ST6GALNAC3: variants seen among roughly 807,000 people sequenced by gnomAD.
The protein encoded by ST6GALNAC3 is alpha-N-acetylgalactosaminide alpha-2,6-sialyltransferase 3.
ST6GALNAC3 carries 25 observed loss-of-function variants against 32.7 expected under a neutral mutation model. The observed-to-expected ratio is 0.76, with a 90% CI of 0.56 to 1.07. The LOEUF (loss-of-function observed/expected upper bound fraction) is 1.07, where lower values mean the gene tolerates loss of function less well. Among genes scored for constraint, ST6GALNAC3 ranks in the 50% least tolerant of loss-of-function variants. The pLI, the probability that ST6GALNAC3 is intolerant of heterozygous loss-of-function variation, is 0.00. For synonymous variants in ST6GALNAC3, 129 were observed against 133.1 expected, an observed-to-expected ratio of 0.97 and a Z score of 0.21; for missense variants, 355 against 382.4, an observed-to-expected ratio of 0.93 and a Z score of 0.60.
chr1:76,525,108 A>G (rs866132644), intron 3 of ST6GALNAC3, among the ~76,000 whole-genome samples: 65 of 152,222 alleles, frequency 4.3e-4, no homozygotes, highest in African/African-American at 1.5e-3. Flanking sequence ...AAAGAAAATG[A>G]GTAACAATAT....
At chr1:76,404,685 C>G (rs909233000) in intron 2 of ST6GALNAC3, among the ~76,000 whole-genome samples, 1 of 152,018 alleles carries the variant, frequency 6.6e-6, no homozygotes, top group Non-Finnish European at 1.5e-5. Context: ...GTCTCTGGAG[C>G]TTTGTTCAAC....
intron 1 of ST6GALNAC3, among the ~76,000 whole-genome samples, chr1:76,300,566 GC>G: frequency 6.6e-6 from 1 of 151,952 alleles, no homozygotes; most frequent in Non-Finnish European, 1.5e-5. Flanking sequence ...TCCTTAAGCT[GC>G]TGCCTAAGGA....
At chr1:76,624,865 T>C (rs1216964716) in intron 3 of ST6GALNAC3, among the ~76,000 whole-genome samples, 2 of 151,938 alleles carry the variant, frequency 1.3e-5, no homozygotes, top group African/African-American at 4.8e-5. Flanking sequence ...TTTAGTGTCA[T>C]GCCCATCACA....
chr1:76,558,825 T>A (rs4949635), intron 3 of ST6GALNAC3, among the ~76,000 whole-genome samples: 2 of 152,198 alleles, frequency 1.3e-5, no homozygotes, highest in Non-Finnish European at 2.9e-5. Flanking sequence ...ATTTGATATT[T>A]TACTATAGTT....
At chr1:76,394,348 T>G (rs1185745374) in intron 2 of ST6GALNAC3, among the ~76,000 whole-genome samples, 1 of 152,198 alleles carries the variant, frequency 6.6e-6, no homozygotes, top group Non-Finnish European at 1.5e-5. Flanking sequence ...GATGAAATGT[T>G]GAAGATTGTA....
At chr1:76,455,867 A>T (rs776937954) in intron 3 of ST6GALNAC3, among the ~76,000 whole-genome samples, 13 of 152,150 alleles carry the variant, frequency 8.5e-5, no homozygotes, top group Non-Finnish European at 1.6e-4. Context: ...TGTCCACCTT[A>T]GGAATTGAAA....
At position 76,081,125 on chromosome 1, in the gene ST6GALNAC3, G is replaced by A. The variant is rs138383260; in HGVS notation, c.18+6241G>A. The stretch of plus-strand genomic sequence containing the variant: ...TTCAGAAAACCTAAGTAAATTGTCC[G>A]ATGTCCTGTGGTCAGTAAGTGATGG... On this transcript the variant is annotated intron_variant, in intron 1 of 4. Transcript: ENST00000328299. Among the ~76,000 whole-genome samples, 14 of 152,214 alleles carry A rather than the reference G, an allele frequency of 9.2e-5. No individual in the cohort carries two copies. The East Asian group carries it at 2.1e-3, about 23-fold the overall frequency.
chr1:76,540,594 C>T (rs2100282667), intron 3 of ST6GALNAC3, among the ~76,000 whole-genome samples: 1 of 152,220 alleles, frequency 6.6e-6, no homozygotes, highest in South Asian at 2.1e-4. Flanking sequence ...TAATGTTATT[C>T]TGTGTTGTGG....
intron 3 of ST6GALNAC3, among the ~76,000 whole-genome samples, chr1:76,441,234 C>T (rs1407781902): frequency 3.3e-5 from 5 of 151,982 alleles, no homozygotes; most frequent in Admixed American, 2.0e-4. Context: ...ATATCATTTA[C>T]TGGGCCCTTA....
intron 3 of ST6GALNAC3, among the ~76,000 whole-genome samples, chr1:76,524,223 G>C (rs1662725615): frequency 6.6e-6 from 1 of 152,120 alleles, no homozygotes; most frequent in Admixed American, 6.6e-5. Context: ...AGGATAACCA[G>C]TTCCCTAGTC....
intron 3 of ST6GALNAC3, among the ~76,000 whole-genome samples, chr1:76,594,529 C>T (rs1647101599): frequency 6.6e-6 from 1 of 152,120 alleles, no homozygotes; most frequent in South Asian, 2.1e-4. Flanking sequence ...TTCTTAATTA[C>T]ATTCGGATAT....
chr1:76,570,780 TC>T (rs1291429341), intron 3 of ST6GALNAC3, among the ~76,000 whole-genome samples: 1 of 152,072 alleles, frequency 6.6e-6, no homozygotes, highest in Non-Finnish European at 1.5e-5. Flanking sequence ...TCATTTCCTT[TC>T]TTGGATCTCC....
chr1:76,622,362 G>A (rs141663712), intron 3 of ST6GALNAC3, among the ~76,000 whole-genome samples: 1 of 152,044 alleles, frequency 6.6e-6, no homozygotes, highest in African/African-American at 2.4e-5. Context: ...AAGATAATGG[G>A]TTTAGATGGA....
chr1:76,507,979 G>A lies in ST6GALNAC3; in HGVS notation c.623+95562G>A, dbSNP rs376707878. The stretch of plus-strand genomic sequence containing the variant: ...TTTTATTATAGCCATCCTAGTGGAT[G>A]TGAAGCAGCACCTCACTGTGGTTTT... On this transcript the variant is annotated intron_variant, in intron 3 of 4. Transcript: ENST00000328299. Among the ~76,000 whole-genome samples the A allele has an allele frequency of 9.2e-5, 14 of 152,320 alleles. 1 individual carries two copies. In the South Asian group the frequency reaches 2.1e-3, roughly 23 times the overall value.
At chr1:76,296,877 C>T (rs1255561027) in intron 1 of ST6GALNAC3, among the ~76,000 whole-genome samples, 4 of 151,978 alleles carry the variant, frequency 2.6e-5, no homozygotes. Flanking sequence ...AACCCTATAT[C>T]TTGTATGGTG....
At chr1:76,377,305 T>C (rs1651314021) in intron 2 of ST6GALNAC3, among the ~76,000 whole-genome samples, 1 of 152,142 alleles carries the variant, frequency 6.6e-6, no homozygotes. Flanking sequence ...CTCACATTGC[T>C]GTAAAGAACT....
At chr1:76,380,214 A>G (rs1571028164) in intron 2 of ST6GALNAC3, among the ~76,000 whole-genome samples, 1 of 152,196 alleles carries the variant, frequency 6.6e-6, no homozygotes, top group Non-Finnish European at 1.5e-5. Flanking sequence ...AATAAGTAAA[A>G]GGGTACTTAA....
rs140796773 is a variant in ST6GALNAC3 at position 76,443,042 on chromosome 1, A to G, written c.623+30625A>G. 8.1e-3 allele frequency among the ~76,000 whole-genome samples: 1,228 copies of G among 152,302 alleles called. 14 individuals are homozygous for G. The highest frequency in any genetic ancestry group is 0.035 in the East Asian group (181 of 5,186). Reference sequence around the variant, plus strand: ...ACAGTTTCACAATTATTATTCTTCAAGATTTGTCTTCCTTGAAGTCTCCAT... The same window carrying G: ...ACAGTTTCACAATTATTATTCTTCAGGATTTGTCTTCCTTGAAGTCTCCAT... On this transcript the variant is annotated intron_variant, in intron 3 of 4. Transcript: ENST00000328299.
chr1:76,406,401 G>A (rs552551227), intron 2 of ST6GALNAC3, among the ~76,000 whole-genome samples: 1 of 152,006 alleles, frequency 6.6e-6, no homozygotes, highest in Non-Finnish European at 1.5e-5. Flanking sequence ...ATCTTTCACT[G>A]CTGTTGTGAA....
Sources: gnomAD v4.1 joint callset for allele counts (sites outside exome capture counted in the v4.1 genomes callset) on GRCh38, gnomAD v4.1.1 for gene constraint, MANE v1.5 for transcripts, NCBI Gene and HGNC (gene_info 2026-07-23, HGNC 2026-07-21) for gene names.